The following PNMA8B variants were observed in gnomAD, a reference collection of about 807,000 sequenced individuals.
PNMA8B encodes PNMA family member 8B.
For synonymous variants in PNMA8B, 386 were observed against 394.9 expected (o/e 0.98, Z 0.27); for missense variants, 887 against 885.8 (o/e 1.00, Z -0.02).
In PNMA8B at chr19:46,495,662, C is replaced by A; in HGVS notation, c.-197G>T. The stretch of plus-strand genomic sequence containing the variant: ...CCTGCTGGCCGGCTGGACGCAGTGA[C>A]CTTCCCCCGGGACCCCTCTCCAGAG... On this transcript the variant is annotated 5_prime_UTR_variant, in exon 1 of 1. Coordinates refer to ENST00000599531, the MANE Select transcript of PNMA8B (RefSeq NM_020709.3). 1.5e-6 allele frequency: 1 copy of A among 656,732 alleles called. No homozygotes were observed. The highest frequency in any genetic ancestry group is 2.6e-6 in the Non-Finnish European group (1 of 384,148). The allele number at this position is 656,732 out of a possible 1,614,324, so 40.7% of individuals were successfully genotyped here.
In PNMA8B at chr19:46,493,321, C is replaced by G; in HGVS notation, c.*237G>C. On this transcript the variant is annotated 3_prime_UTR_variant, in exon 1 of 1. Transcript: ENST00000599531. This position sits in a 1 kb window ranked among gnomAD's most constrained non-coding sequence, Gnocchi z 5.3. ...CTCGGCCCTGCGCTGCTGCCTCGGGCGCCCACTTCTCTTTCCTCCTCCCAT... is the reference window on the plus strand; with the variant it reads ...CTCGGCCCTGCGCTGCTGCCTCGGGGGCCCACTTCTCTTTCCTCCTCCCAT... The G allele has an allele frequency of 2.6e-6, 1 of 390,582 alleles. No homozygotes were observed. The highest frequency in any genetic ancestry group is 4.5e-6 in the Non-Finnish European group (1 of 221,670). The allele number at this position is 390,582 out of a possible 1,614,324, so 24.2% of individuals were successfully genotyped here.
In PNMA8B at chr19:46,494,314, G is replaced by C. The variant is rs1337065305; in HGVS notation, c.1152C>G (p.Asn384Lys). 2 of 1,612,946 alleles carry C rather than the reference G, an allele frequency of 1.2e-6. No individual in the cohort carries two copies. Among genetic ancestry groups the C allele is most frequent in the Admixed American group, 3.3e-5 (2 of 60,028 alleles). The change falls in exon 1 of 1, where the codon AAC (asparagine) becomes AAG (lysine). Residue 384 changes from asparagine to lysine, a missense_variant. Transcript: ENST00000599531. ...CCTCTTCCACCTTCACGCGGGTCCC[G>C]TTAGTGTCCTTGGACATGACGGACA... ...QVLSVMSKDT[N>K]GTRVKVEEAG...
Position 46,493,097 on chromosome 19 carries a change from T to A in PNMA8B, c.*461A>T, listed in dbSNP as rs1970028328. On this transcript the variant is annotated 3_prime_UTR_variant, in exon 1 of 1. Transcript: ENST00000599531. This position sits in a 1 kb window ranked among gnomAD's most constrained non-coding sequence, Gnocchi z 5.3. ...GCCCTGACACGCGCTGCGCGGCTGG[T>A]GACTGAGCCTCCACCACAGACCCAG... The A allele has an allele frequency of 6.3e-6, 1 of 158,158 alleles. No homozygotes were observed. Among genetic ancestry groups the A allele is most frequent in the African/African-American group, 2.4e-5 (1 of 41,666 alleles). 9.8% of individuals were successfully genotyped at this position (158,158 alleles called of 1,614,324 possible).
In PNMA8B at chr19:46,494,831, C is replaced by T. The variant is rs1429310297; in HGVS notation, c.635G>A (p.Gly212Asp). 3.7e-6 allele frequency: 6 copies of T among 1,613,404 alleles called. No individual in the cohort carries two copies. Among genetic ancestry groups the T allele is most frequent in the Non-Finnish European group, 5.1e-6 (6 of 1,179,906 alleles). ...CTGGTCCTCTTCTCCGCTCAGGTCGCCCTGGTCGATCTCCTCGATCACGAT... is the reference window on the plus strand; with the variant it reads ...CTGGTCCTCTTCTCCGCTCAGGTCGTCCTGGTCGATCTCCTCGATCACGAT... ...LGIVIEEIDQ[G>D]DLSGEEDQSA... is the part of the protein sequence containing the mutation. The change falls in exon 1 of 1, where the codon GGC (glycine) becomes GAC (aspartate). Residue 212 changes from glycine (G) to aspartate (D), a missense_variant. Gly to Asp is a moderately conservative substitution (Grantham distance 94, BLOSUM62 -1). Transcript: ENST00000599531.
Position 46,493,230 on chromosome 19 carries a change from C to CCA in PNMA8B, c.*326_*327dup, listed in dbSNP as rs1383874042. The CCA allele has an allele frequency of 1.2e-4, 30 of 252,538 alleles. No homozygotes were observed. The highest frequency in any genetic ancestry group is 2.1e-4 in the East Asian group (3 of 14,484). 15.6% of individuals were successfully genotyped at this position (252,538 alleles called of 1,614,324 possible). A position where few individuals can be genotyped will look rare whatever the true frequency, so the allele number is the denominator to read the frequency against. ...GCTCGCCTCTGCAGGTGCCCGGCGTCCACACACACACCCCCTCCGGGGGCA... is the reference window on the plus strand; with the variant it reads ...GCTCGCCTCTGCAGGTGCCCGGCGTCCACACACACACACCCCCTCCGGGGGCA... On this transcript the variant is annotated 3_prime_UTR_variant, in exon 1 of 1. Coordinates refer to ENST00000599531, the MANE Select transcript of PNMA8B (RefSeq NM_020709.3). This position sits in a 1 kb window ranked among gnomAD's most constrained non-coding sequence, Gnocchi z 5.3.
Position 46,493,285 on chromosome 19 carries a change from C to T in PNMA8B, c.*273G>A. ...GGGCCCCCAATCCTGGTCCACTTGGCGCGTCCCCATCTCGGCCCTGCGCTG... is the reference window on the plus strand; with the variant it reads ...GGGCCCCCAATCCTGGTCCACTTGGTGCGTCCCCATCTCGGCCCTGCGCTG... On this transcript the variant is annotated 3_prime_UTR_variant, in exon 1 of 1. Transcript: ENST00000599531. The surrounding 1 kb of genome is among the most constrained non-coding windows in gnomAD (Gnocchi z 5.3). 1 of 355,578 alleles carries T rather than the reference C, an allele frequency of 2.8e-6. No individual in the cohort carries two copies. The highest frequency in any genetic ancestry group is 5.0e-6 in the Non-Finnish European group (1 of 199,230). The allele number at this position is 355,578 out of a possible 1,614,324, so 22.0% of individuals were successfully genotyped here. A position where few individuals can be genotyped will look rare whatever the true frequency, so the allele number is the denominator to read the frequency against.
Position 46,495,179 on chromosome 19 carries a change from C to T in PNMA8B, c.287G>A (p.Arg96His). The change falls in exon 1 of 1, where the codon CGT becomes CAT. Residue 96 changes from arginine (R) to histidine (H), a missense_variant. Arg to His is a conservative substitution (Grantham distance 29). Coordinates refer to ENST00000599531, the MANE Select transcript of PNMA8B (RefSeq NM_020709.3). ...DGVWRVLWKDRAQDTRVLRQM... is the reference protein window; with the variant it reads ...DGVWRVLWKDHAQDTRVLRQM... ...CCTCAGGACCCTCGTGTCCTGCGCA[C>T]GGTCCTTCCACAGAACCCTCCAGAC... The T allele has an allele frequency of 6.2e-7, 1 of 1,613,962 alleles. No homozygotes were observed. Among genetic ancestry groups the T allele is most frequent in the Non-Finnish European group, 8.5e-7 (1 of 1,179,840 alleles).
chr19:46,495,094 G>C lies in PNMA8B; in HGVS notation c.372C>G (p.Pro124=). 1 of 1,612,868 alleles carries C rather than the reference G, an allele frequency of 6.2e-7. No homozygotes were observed. Among genetic ancestry groups the C allele is most frequent in the East Asian group, 2.2e-5 (1 of 44,860 alleles). ...GPTQAAEAGT[P]GEAPTPPASE... ...AAGCGGGAGGGGTGGGTGCCTCCCC[G>C]GGGGTCCCAGCCTCCGCGGCCTGCG... Residue 124 remains proline, a synonymous_variant, in exon 1 of 1, where the codon CCC becomes CCG. Coordinates refer to ENST00000599531, the MANE Select transcript of PNMA8B (RefSeq NM_020709.3).
rs1180184704 is a variant in PNMA8B, at chr19:46,494,816, T to C, written c.650A>G (p.Glu217Gly). The C allele has an allele frequency of 6.2e-7, 1 of 1,613,512 alleles. No individual in the cohort carries two copies. The highest frequency in any genetic ancestry group is 8.5e-7 in the Non-Finnish European group (1 of 1,179,860). The stretch of plus-strand genomic sequence containing the variant: ...GGCGTACAGCGCGCTCTGGTCCTCT[T>C]CTCCGCTCAGGTCGCCCTGGTCGAT... ...EEIDQGDLSGEEDQSALYATL... is the reference protein window; with the variant it reads ...EEIDQGDLSGGEDQSALYATL... The change falls in exon 1 of 1, where the codon GAA (glutamate) becomes GGA (glycine). Residue 217 changes from glutamate (E) to glycine (G), a missense_variant. Coordinates refer to ENST00000599531, the MANE Select transcript of PNMA8B (RefSeq NM_020709.3).
chr19:46,491,773 C>G lies in PNMA8B; in HGVS notation c.*1785G>C, dbSNP rs1007842175. On this transcript the variant is annotated 3_prime_UTR_variant, in exon 1 of 1. Transcript: ENST00000599531. ...CCAGGTATTCTGGGCAAACCACAGT[C>G]AAGACCGTGGACATCTGTGGCCCAC... 6.5e-6 allele frequency: 1 copy of G among 154,794 alleles called. No individual in the cohort carries two copies. Among genetic ancestry groups the G allele is most frequent in the African/African-American group, 2.4e-5 (1 of 41,428 alleles). 9.6% of individuals were successfully genotyped at this position (154,794 alleles called of 1,614,324 possible).
rs1250814541 is a variant in PNMA8B, at chr19:46,492,967, T to TCCTCCTCCTCCCCTTC, written c.*575_*590dup. On this transcript the variant is annotated 3_prime_UTR_variant, in exon 1 of 1. Transcript: ENST00000599531. ...CTTCTCCCACCGTTCCTCTCCCCTT[T>TCCTCCTCCTCCCCTTC]CCTCCTCCTCCCCTTCCCAACCGCC... is the stretch of plus-strand genomic sequence containing the variant. 5 of 154,362 alleles carry TCCTCCTCCTCCCCTTC rather than the reference T, an allele frequency of 3.2e-5. No homozygotes were observed. Among genetic ancestry groups the TCCTCCTCCTCCCCTTC allele is most frequent in the Non-Finnish European group, 7.3e-5 (5 of 68,412 alleles). The allele number at this position is 154,362 out of a possible 1,614,324, so 9.6% of individuals were successfully genotyped here. A position where few individuals can be genotyped will look rare whatever the true frequency, so the allele number is the denominator to read the frequency against.
rs987541334 is a variant in PNMA8B, at chr19:46,491,810, C to T, written c.*1748G>A. ...CATCTGTGGCCCACGCTCCCACACC[C>T]CGCCTGCCCCACTGCCCAGAGCACA... On this transcript the variant is annotated 3_prime_UTR_variant, in exon 1 of 1. Coordinates refer to ENST00000599531, the MANE Select transcript of PNMA8B (RefSeq NM_020709.3). The T allele has an allele frequency of 5.2e-5, 8 of 155,316 alleles. No individual in the cohort carries two copies. Among genetic ancestry groups the T allele is most frequent in the Non-Finnish European group, 1.4e-5 (1 of 70,178 alleles). The allele number at this position is 155,316 out of a possible 1,614,324, so 9.6% of individuals were successfully genotyped here. A position where few individuals can be genotyped will look rare whatever the true frequency, so the allele number is the denominator to read the frequency against.
rs764238832 is a variant in PNMA8B at position 46,495,273 on chromosome 19, C to T, written c.193G>A (p.Ala65Thr). The T allele has an allele frequency of 5.9e-6, 9 of 1,514,102 alleles. No individual in the cohort carries two copies. The African/African-American group carries it at 6.8e-5, about 12-fold the overall frequency. The allele number at this position is 1,514,102 out of a possible 1,614,324, so 93.8% of individuals were successfully genotyped here. Residue 65 changes from alanine (A) to threonine (T), a missense_variant, in exon 1 of 1, where the codon GCC becomes ACC. Ala to Thr is a moderately conservative substitution (Grantham distance 58). Transcript: ENST00000599531. Reference protein sequence around the residue: ...KALMNEKAQAALVEFVEDVNH... With the variant: ...KALMNEKAQATLVEFVEDVNH... ...ACGTCCTCCACAAACTCCACCAGGG[C>T]GGCCTGGGCCTTCTCGTTCATCAAA... is the stretch of plus-strand genomic sequence containing the variant.
chr19:46,493,500 A>G lies in PNMA8B; in HGVS notation c.*58T>C, dbSNP rs1323106056. The G allele has an allele frequency of 2.9e-6, 3 of 1,038,804 alleles. No individual in the cohort carries two copies. Among genetic ancestry groups the G allele is most frequent in the Non-Finnish European group, 3.6e-6 (3 of 833,080 alleles). The allele number at this position is 1,038,804 out of a possible 1,614,324, so 64.3% of individuals were successfully genotyped here. ...GAGGGGAGGGGAGGGCGGGGGCCAC[A>G]GGCGGGCGGGTGCCCTGCGGGGCCT... On this transcript the variant is annotated 3_prime_UTR_variant, in exon 1 of 1. Coordinates refer to ENST00000599531, the MANE Select transcript of PNMA8B (RefSeq NM_020709.3). The surrounding 1 kb of genome is among the most constrained non-coding windows in gnomAD (Gnocchi z 5.3).
chr19:46,494,402 G>C lies in PNMA8B; in HGVS notation c.1064C>G (p.Ser355Cys). The C allele has an allele frequency of 1.2e-6, 2 of 1,613,678 alleles. No individual in the cohort carries two copies. Among genetic ancestry groups the C allele is most frequent in the Non-Finnish European group, 1.7e-6 (2 of 1,179,902 alleles). ...WAREEMLKIA[S>C]VIESLGWSDE... is the part of the protein sequence containing the mutation. Reference sequence around the variant, plus strand: ...GCTCCAGCCCAGCGACTCGATAACAGAAGCGATTTTCAACATCTCCTCCCG... The same window carrying C: ...GCTCCAGCCCAGCGACTCGATAACACAAGCGATTTTCAACATCTCCTCCCG... Residue 355 changes from serine to cysteine, a missense_variant, in exon 1 of 1, where the codon TCT becomes TGT. Transcript: ENST00000599531.
At position 46,492,953 on chromosome 19, in the gene PNMA8B, G is replaced by A. The variant is rs1301319418; in HGVS notation, c.*605C>T. The A allele has an allele frequency of 3.8e-5, 5 of 131,542 alleles. No homozygotes were observed. The highest frequency in any genetic ancestry group is 7.9e-5 in the Non-Finnish European group (5 of 63,286). The allele number at this position is 131,542 out of a possible 1,614,324, so 8.1% of individuals were successfully genotyped here. On this transcript the variant is annotated 3_prime_UTR_variant, in exon 1 of 1. Coordinates refer to ENST00000599531, the MANE Select transcript of PNMA8B (RefSeq NM_020709.3). The stretch of plus-strand genomic sequence containing the variant: ...CTCCTCCTCTTTCCCTTCTCCCACC[G>A]TTCCTCTCCCCTTTCCTCCTCCTCC...
chr19:46,495,670 C>G lies in PNMA8B; in HGVS notation c.-205G>C. On this transcript the variant is annotated 5_prime_UTR_variant, in exon 1 of 1. Transcript: ENST00000599531. Reference sequence around the variant, plus strand: ...CCGGCTGGACGCAGTGACCTTCCCCCGGGACCCCTCTCCAGAGCTGTCTGA... The same window carrying G: ...CCGGCTGGACGCAGTGACCTTCCCCGGGGACCCCTCTCCAGAGCTGTCTGA... The G allele has an allele frequency of 3.2e-6, 2 of 620,244 alleles. No individual in the cohort carries two copies. Among genetic ancestry groups the G allele is most frequent in the East Asian group, 2.8e-5 (1 of 35,602 alleles). 38.4% of individuals were successfully genotyped at this position (620,244 alleles called of 1,614,324 possible).
At position 46,493,530 on chromosome 19, in the gene PNMA8B, G is replaced by T. The variant is rs920993927; in HGVS notation, c.*28C>A. The T allele has an allele frequency of 7.6e-7, 1 of 1,315,488 alleles. No individual in the cohort carries two copies. Among genetic ancestry groups the T allele is most frequent in the African/African-American group, 1.5e-5 (1 of 65,140 alleles). The allele number at this position is 1,315,488 out of a possible 1,614,324, so 81.5% of individuals were successfully genotyped here. A position where few individuals can be genotyped will look rare whatever the true frequency, so the allele number is the denominator to read the frequency against. On this transcript the variant is annotated 3_prime_UTR_variant, in exon 1 of 1. Transcript: ENST00000599531. This position sits in a 1 kb window ranked among gnomAD's most constrained non-coding sequence, Gnocchi z 5.3. ...GGCGGGTGCCCTGCGGGGCCTGCTCGCAGCCTGGGCGGCTTCTTGGGGGGC... is the reference window on the plus strand; with the variant it reads ...GGCGGGTGCCCTGCGGGGCCTGCTCTCAGCCTGGGCGGCTTCTTGGGGGGC...
rs144644044 is a variant in PNMA8B at position 46,494,128 on chromosome 19, C to A, written c.1338G>T (p.Gly446=). 21,003 of 1,611,570 alleles carry A rather than the reference C, an allele frequency of 0.013. 245 individuals are homozygous for A. Among genetic ancestry groups the A allele is most frequent in the Non-Finnish European group, 0.013 (14,893 of 1,179,838 alleles). ...GGWSEHREDE[G]GLLELVALLA... is the part of the protein sequence containing the mutation. ...GGAGCGCCACCAGCTCCAGAAGACCCCCTTCGTCCTCACGGTGCTCGCTCC... is the reference window on the plus strand; with the variant it reads ...GGAGCGCCACCAGCTCCAGAAGACCACCTTCGTCCTCACGGTGCTCGCTCC... The change falls in exon 1 of 1, where the codon GGG becomes GGT. Residue 446 remains glycine (G), a synonymous_variant. Coordinates refer to ENST00000599531, the MANE Select transcript of PNMA8B (RefSeq NM_020709.3).
Sources: gnomAD v4.1 joint callset for allele counts on GRCh38, gnomAD v4.1.1 for gene constraint, Gnocchi (gnomAD v3.1) non-coding constraint, MANE v1.5 for transcripts, NCBI Gene and HGNC (gene_info 2026-07-23, HGNC 2026-07-21) for gene names.